COL24A1: variants seen among roughly 807,000 people sequenced by gnomAD.
COL24A1 encodes the protein collagen alpha-1(XXIV) chain.
COL24A1 carries 224 observed loss-of-function variants against 253.9 expected under a neutral mutation model. That is an observed-to-expected ratio of 0.88 (90% CI 0.79 to 0.99). COL24A1 has a LOEUF of 0.99. Among genes scored for constraint, COL24A1 ranks in the 50% least tolerant of loss-of-function variants. The pLI is 0.00. For missense variants in COL24A1, 2,131 were observed against 2,068.5 expected (o/e 1.03, Z -0.59); for synonymous variants, 685 against 673.7 (o/e 1.02, Z -0.26).
rs1464026649 is a variant in COL24A1, at chr1:86,050,163, A to G, written c.1866T>C (p.Ser622=). 3.1e-6 allele frequency: 5 copies of G among 1,613,296 alleles called. No individual in the cohort carries two copies. In the Admixed American group the frequency reaches 8.3e-5, roughly 27 times the overall value. Residue 622 remains serine (S), a synonymous_variant, in exon 11 of 60, where the codon TCT becomes TCC. Transcript: ENST00000370571. ...GPKGAQGFIG[S]PGEAGQLGPE... Reference sequence around the variant, plus strand: ...GTCCCAGTTGTCCCGCTTCTCCAGGAGAGCCAATAAAACCCTTAAAACAAG... The same window carrying G: ...GTCCCAGTTGTCCCGCTTCTCCAGGGGAGCCAATAAAACCCTTAAAACAAG...
intron 20 of COL24A1, among the ~76,000 whole-genome samples, chr1:85,986,977 G>A (rs1693772311): frequency 6.6e-6 from 1 of 151,750 alleles, no homozygotes. Flanking sequence ...ATATTTCCTA[G>A]TATACATACA....
intron 24 of COL24A1, among the ~76,000 whole-genome samples, chr1:85,929,935 T>C (rs1194141840): frequency 3.1e-4 from 21 of 68,176 alleles, no homozygotes; most frequent in Non-Finnish European, 5.4e-5. Context: ...TTCAAAGCAG[T>C]GTGTAGAGGG....
intron 7 of COL24A1, among the ~76,000 whole-genome samples, chr1:86,082,417 T>A (rs966053645): frequency 5.3e-5 from 8 of 152,024 alleles, no homozygotes; most frequent in Admixed American, 5.2e-4. Flanking sequence ...GTCCACTAGG[T>A]GCAGTATCAT....
At chr1:85,783,600 C>G (rs1669359098) in intron 50 of COL24A1, 42 bp from the exon 51 acceptor site, 1 of 1,536,928 alleles carries the variant, frequency 6.5e-7, no homozygotes, top group Non-Finnish European at 9.0e-7. Flanking sequence ...ATTTGTAGCT[C>G]TATATGAACA....
intron 5 of COL24A1, among the ~76,000 whole-genome samples, chr1:86,111,865 G>A (rs1352673562): frequency 6.6e-6 from 1 of 152,016 alleles, no homozygotes; most frequent in Admixed American, 6.5e-5. Flanking sequence ...AACCATGAAC[G>A]TCTGCAGCTT....
At chr1:85,968,678 C>G (rs1180509441) in intron 22 of COL24A1, among the ~76,000 whole-genome samples, 1 of 151,136 alleles carries the variant, frequency 6.6e-6, no homozygotes, top group Non-Finnish European at 1.5e-5. Context: ...TTTATTTCCA[C>G]TGGTTGGTAA....
At chr1:85,941,870 A>T (rs769301339) in intron 24 of COL24A1, among the ~76,000 whole-genome samples, 4 of 151,912 alleles carry the variant, frequency 2.6e-5, no homozygotes, top group Non-Finnish European at 1.5e-5. Context: ...ATTAATTGTG[A>T]TGTTCATCTC....
In COL24A1 at chr1:85,969,212, C is replaced by CT. The variant is rs552501199; in HGVS notation, c.2463+1014dup. 1.2e-4 allele frequency among the ~76,000 whole-genome samples: 18 copies of CT among 151,956 alleles called. No homozygotes were observed. The South Asian group carries it at 1.7e-3, about 14-fold the overall frequency. On this transcript the variant is annotated intron_variant, in intron 22 of 59. Transcript: ENST00000370571. ...TCTCACGAAAAATAAAATGAAAACT[C>CT]TTTTTTTTCCCCCAATGGGATATAG...
intron 53 of COL24A1, among the ~76,000 whole-genome samples, chr1:85,761,956 T>C (rs1666891606): frequency 6.6e-6 from 1 of 152,192 alleles, no homozygotes; most frequent in Admixed American, 6.5e-5. Flanking sequence ...ACCTGTAAAC[T>C]GGTTACTAAC....
intron 43 of COL24A1, among the ~76,000 whole-genome samples, chr1:85,824,854 C>T (rs759486114): frequency 1.4e-4 from 21 of 152,002 alleles, no homozygotes; most frequent in Non-Finnish European, 2.4e-4. Flanking sequence ...AGTCCCATCT[C>T]CTGGGCTAGA....
intron 55 of COL24A1, among the ~76,000 whole-genome samples, chr1:85,746,682 A>G (rs904037169): frequency 6.6e-6 from 1 of 152,220 alleles, no homozygotes; most frequent in Non-Finnish European, 1.5e-5. Flanking sequence ...CTGATGTCCA[A>G]AGAATAAATA....
chr1:86,143,819 T>C (rs1295543440), intron 2 of COL24A1, among the ~76,000 whole-genome samples: 5 of 152,062 alleles, frequency 3.3e-5, no homozygotes, highest in Non-Finnish European at 7.4e-5. Context: ...CTTTTTTAAG[T>C]TTTGAAAAAT....
At chr1:85,838,752 T>C in intron 42 of COL24A1, 114 bp from the exon 43 acceptor site, 1 of 914,932 alleles carries the variant, frequency 1.1e-6, no homozygotes, top group South Asian at 1.6e-5. Context: ...AAACCAAATA[T>C]ATGATTTGTT....
chr1:85,968,349 G>A (rs971756837), intron 22 of COL24A1, among the ~76,000 whole-genome samples: 1 of 152,092 alleles, frequency 6.6e-6, no homozygotes, highest in Non-Finnish European at 1.5e-5. Context: ...ATTAAGACAT[G>A]CTCTTATATT....
At chr1:85,895,992 T>A in intron 30 of COL24A1, 29 bp downstream of exon 30, 2 of 1,604,060 alleles carry the variant, frequency 1.2e-6, no homozygotes, top group South Asian at 2.3e-5. Flanking sequence ...AAAATGTTCA[T>A]CTTTAATGTG....
At chr1:85,982,712 T>C (rs1187988034) in intron 20 of COL24A1, among the ~76,000 whole-genome samples, 1 of 152,040 alleles carries the variant, frequency 6.6e-6, no homozygotes, top group Non-Finnish European at 1.5e-5. Context: ...TTTTACCTTT[T>C]CACTTATGAA....
At chr1:86,049,928 A>G (rs1700177876) in intron 11 of COL24A1, among the ~76,000 whole-genome samples, 196 bp downstream of exon 11, 1 of 152,120 alleles carries the variant, frequency 6.6e-6, no homozygotes, top group South Asian at 2.1e-4. Context: ...TATTTCTATC[A>G]TGCTATATTA....
intron 35 of COL24A1, among the ~76,000 whole-genome samples, chr1:85,869,846 G>T (rs192732569): frequency 6.6e-6 from 1 of 152,006 alleles, no homozygotes; most frequent in Non-Finnish European, 1.5e-5. Context: ...CACACACAAC[G>T]ATATTAACCT....
At chr1:85,744,098 G>T (rs1238941420) in intron 57 of COL24A1, among the ~76,000 whole-genome samples, 1 of 151,780 alleles carries the variant, frequency 6.6e-6, no homozygotes, top group Non-Finnish European at 1.5e-5. Flanking sequence ...TTTAACTGAT[G>T]ACTTACTCCT....
Sources: allele counts gnomAD v4.1 joint callset (sites outside exome capture counted in the v4.1 genomes callset), GRCh38; gene constraint gnomAD v4.1.1; transcripts MANE v1.5; gene names NCBI Gene and HGNC (gene_info 2026-07-23, HGNC 2026-07-21).